Variants in GLI3 observed in about 807,000 individuals in gnomAD.
GLI3 encodes the protein GLI family zinc finger 3.
A neutral mutation model predicts 100.8 loss-of-function variants in GLI3; 20 were observed. The observed-to-expected ratio is 0.20, with a 90% CI of 0.14 to 0.29. The LOEUF (loss-of-function observed/expected upper bound fraction) is 0.29, where lower values mean the gene tolerates loss of function less well. Ranked by LOEUF, GLI3 falls within the 10% of genes least tolerant of loss-of-function variation. The pLI is 1.00. For synonymous variants in GLI3, 938 were observed against 860.5 expected (o/e 1.09, Z -1.58); for missense variants, 2,040 against 2,128.5 (o/e 0.96, Z 0.82).
chr7:42,197,044 T>A (rs1384067014), intron 2 of GLI3, among the ~76,000 whole-genome samples: 1 of 152,212 alleles, frequency 6.6e-6, no homozygotes, highest in African/African-American at 2.4e-5. Flanking sequence ...AACTGAGGCC[T>A]ACAATGTAGC....
At chr7:42,245,169 G>A (rs1284168088) in intron 1 of GLI3, among the ~76,000 whole-genome samples, 3 of 152,164 alleles carry the variant, frequency 2.0e-5, no homozygotes, top group Non-Finnish European at 4.4e-5. Flanking sequence ...GATAGTGGAA[G>A]GAAAGTATTT....
At chr7:42,202,997 A>T (rs1205058308) in intron 2 of GLI3, among the ~76,000 whole-genome samples, 1 of 152,348 alleles carries the variant, frequency 6.6e-6, no homozygotes, top group East Asian at 1.9e-4. Flanking sequence ...GGAGCTGACC[A>T]TGGGAGGCAT....
At chr7:42,005,098 A>G (rs923738285) in intron 10 of GLI3, among the ~76,000 whole-genome samples, 1 of 152,214 alleles carries the variant, frequency 6.6e-6, no homozygotes, top group African/African-American at 2.4e-5. Flanking sequence ...CACAGAACCA[A>G]CACATGAAGT....
intron 3 of GLI3, among the ~76,000 whole-genome samples, chr7:42,091,237 T>C (rs60960540): frequency 0.019 from 2,832 of 152,364 alleles, 73 homozygotes; most frequent in African/African-American, 0.065. Flanking sequence ...CTTCTCTGCT[T>C]CACCCTTGCC....
At chr7:42,023,065 G>A (rs954958333) in intron 10 of GLI3, among the ~76,000 whole-genome samples, 9 of 152,138 alleles carry the variant, frequency 5.9e-5, no homozygotes, top group Non-Finnish European at 1.3e-4. Flanking sequence ...GAGTTTGGGA[G>A]AGGAAAAAAG....
chr7:42,060,264 C>T (rs1001676869), intron 4 of GLI3, among the ~76,000 whole-genome samples: 1 of 152,164 alleles, frequency 6.6e-6, no homozygotes, highest in Non-Finnish European at 1.5e-5. Context: ...ACCTGGCTTC[C>T]GTTGCCTTGT....
intron 3 of GLI3, among the ~76,000 whole-genome samples, chr7:42,100,869 A>G (rs1280642435): frequency 6.6e-6 from 1 of 152,196 alleles, no homozygotes; most frequent in Non-Finnish European, 1.5e-5. Context: ...TGGAAGAGGC[A>G]AGGAAGGATC....
At chr7:42,078,592 G>A (rs1257241694) in intron 3 of GLI3, among the ~76,000 whole-genome samples, 1 of 152,174 alleles carries the variant, frequency 6.6e-6, no homozygotes, top group Non-Finnish European at 1.5e-5. Context: ...ATTGAGTAGG[G>A]AGGGAGTGGG....
chr7:42,028,213 A>G (rs1393924922), intron 7 of GLI3, among the ~76,000 whole-genome samples: 2 of 152,182 alleles, frequency 1.3e-5, no homozygotes, highest in East Asian at 3.8e-4. Flanking sequence ...CACTTCACAT[A>G]TAATTACCAT....
intron 2 of GLI3, among the ~76,000 whole-genome samples, chr7:42,194,982 T>G (rs893774567): frequency 2.6e-5 from 4 of 151,760 alleles, no homozygotes; most frequent in African/African-American, 7.3e-5. Context: ...GGTCAGGGTG[T>G]TCTCAAACTC....
chr7:42,220,595 G>A (rs938492298), intron 2 of GLI3, among the ~76,000 whole-genome samples: 6 of 152,138 alleles, frequency 3.9e-5, no homozygotes, highest in Admixed American at 2.0e-4. Flanking sequence ...AGCAATCCAC[G>A]CCCCTCAGCA....
At chr7:42,225,511 C>G (rs1788565169) in intron 1 of GLI3, among the ~76,000 whole-genome samples, 1 of 152,202 alleles carries the variant, frequency 6.6e-6, no homozygotes, top group Non-Finnish European at 1.5e-5. Flanking sequence ...AGGCGCCCAC[C>G]ACCATGCCCA....
chr7:42,014,740 GC>G (rs1788708798), intron 10 of GLI3, among the ~76,000 whole-genome samples: 1 of 152,078 alleles, frequency 6.6e-6, no homozygotes, highest in African/African-American at 2.4e-5. Flanking sequence ...CAAAGGGATA[GC>G]CCCCAACCCC....
chr7:42,213,976 G>A (rs190391020), intron 2 of GLI3, among the ~76,000 whole-genome samples: 4 of 152,342 alleles, frequency 2.6e-5, no homozygotes, highest in Admixed American at 6.5e-5. Flanking sequence ...GCCTGCAGGC[G>A]AGCAAAGGGA....
At chr7:42,037,693 C>T (rs1784043230) in intron 7 of GLI3, among the ~76,000 whole-genome samples, 1 of 152,200 alleles carries the variant, frequency 6.6e-6, no homozygotes, top group Non-Finnish European at 1.5e-5. Context: ...ACCCAACTGT[C>T]ACAGCCTCCA....
intron 1 of GLI3, among the ~76,000 whole-genome samples, chr7:42,252,785 A>G (rs1392033887): frequency 2.0e-5 from 3 of 152,220 alleles, no homozygotes; most frequent in Non-Finnish European, 4.4e-5. Context: ...ACTTTTATAT[A>G]ACAGATTTTA....
intron 2 of GLI3, among the ~76,000 whole-genome samples, chr7:42,208,463 C>T (rs759379045): frequency 6.6e-6 from 1 of 152,194 alleles, no homozygotes; most frequent in Non-Finnish European, 1.5e-5. Flanking sequence ...TGCATCTGAA[C>T]GCTGCTGCCT....
At chr7:42,250,939 G>T (rs1438790788) in intron 1 of GLI3, among the ~76,000 whole-genome samples, 1 of 152,212 alleles carries the variant, frequency 6.6e-6, no homozygotes, top group Non-Finnish European at 1.5e-5. Flanking sequence ...ACAGGGGACA[G>T]ACTGGGGCCC....
intron 10 of GLI3, among the ~76,000 whole-genome samples, chr7:41,994,047 G>C (rs777249964): frequency 6.6e-5 from 10 of 152,130 alleles, no homozygotes; most frequent in African/African-American, 2.4e-4. Flanking sequence ...GTGGGGTAAG[G>C]GTTCTGGCAT....
Sources: allele counts gnomAD v4.1 joint callset (sites outside exome capture counted in the v4.1 genomes callset), GRCh38; gene constraint gnomAD v4.1.1; transcripts MANE v1.5; gene names NCBI Gene and HGNC (gene_info 2026-07-23, HGNC 2026-07-21).